The following SYT2 variants were observed in gnomAD, a reference collection of about 807,000 sequenced individuals.
SYT2 encodes the protein synaptotagmin-2.
A neutral mutation model predicts 39.9 loss-of-function variants in SYT2; 15 were observed. The ratio of observed to expected loss-of-function variants is 0.38; its 90% confidence interval spans 0.25 to 0.58. The LOEUF is 0.58. SYT2 is among the 20% of genes least tolerant of loss of function. SYT2 has a pLI of 0.70. For missense variants in SYT2, 389 were observed against 530.3 expected, an observed-to-expected ratio of 0.73 and a Z score of 2.62; for synonymous variants, 181 against 204.5, an observed-to-expected ratio of 0.89 and a Z score of 0.98.
chr1:202,606,720 A>G (rs1296439112), intron 1 of SYT2, among the ~76,000 whole-genome samples: 1 of 152,134 alleles, frequency 6.6e-6, no homozygotes, highest in Non-Finnish European at 1.5e-5. Context: ...TTCCCGCATC[A>G]AAGATGTGAT....
rs75027356 is a variant in SYT2, at chr1:202,669,118, C to G, written c.-18+41140G>C. ...ATCAGTGAGGCTAAGCAACTACTAA[C>G]ACAAAGTGAGATACTGTGAGTCACA... On this transcript the variant is annotated intron_variant, in intron 1 of 8. Transcript: ENST00000367268. Among the ~76,000 whole-genome samples, 195 of 152,354 alleles carry G rather than the reference C, an allele frequency of 1.3e-3. 2 individuals carry two copies. In the East Asian group the frequency reaches 0.028, roughly 22 times the overall value.
intron 6 of SYT2, 95 bp from the exon 7 acceptor site, chr1:202,600,569 ATGTG>A: frequency 2.8e-6 from 3 of 1,089,388 alleles, no homozygotes; most frequent in Non-Finnish European, 4.2e-6. Context: ...CAAGGCAGTG[ATGTG>A]TCCCTGCCTC....
intron 1 of SYT2, among the ~76,000 whole-genome samples, chr1:202,638,254 C>T (rs747145258): frequency 1.3e-5 from 2 of 152,196 alleles, no homozygotes; most frequent in Non-Finnish European, 2.9e-5. Flanking sequence ...TCCTCCCCCC[C>T]AGCCCCTCCC....
rs561330262 is a variant in SYT2 at position 202,686,632 on chromosome 1, C to T, written c.-18+23626G>A. On this transcript the variant is annotated intron_variant, in intron 1 of 8. Coordinates refer to ENST00000367268, the MANE Select transcript of SYT2 (RefSeq NM_177402.5). Reference sequence around the variant, plus strand: ...GTCATCCTGAAACCCATTCCCTGCACCTCTAGGCCTGGACAGACAACAGCT... The same window carrying T: ...GTCATCCTGAAACCCATTCCCTGCATCTCTAGGCCTGGACAGACAACAGCT... Among the ~76,000 whole-genome samples, 25 of 152,268 alleles carry T rather than the reference C, an allele frequency of 1.6e-4. No individual in the cohort carries two copies. The South Asian group carries it at 2.9e-3, about 18-fold the overall frequency.
At chr1:202,646,089 A>C (rs893186926) in intron 1 of SYT2, among the ~76,000 whole-genome samples, 1 of 152,190 alleles carries the variant, frequency 6.6e-6, no homozygotes, top group Non-Finnish European at 1.5e-5. Context: ...GTGAGTCTAC[A>C]TGGGCTGGGT....
chr1:202,629,962 TAAG>T (rs1038432810), intron 1 of SYT2, among the ~76,000 whole-genome samples: 68 of 144,368 alleles, frequency 4.7e-4, no homozygotes, highest in Non-Finnish European at 9.0e-4. Context: ...AGTGTGGGCA[TAAG>T]AAGAAATCCA....
chr1:202,636,919 G>T (rs1182510954), intron 1 of SYT2, among the ~76,000 whole-genome samples: 1 of 152,194 alleles, frequency 6.6e-6, no homozygotes, highest in East Asian at 1.9e-4. Flanking sequence ...GGAGGAGCTG[G>T]CATTTGAATA....
intron 1 of SYT2, among the ~76,000 whole-genome samples, chr1:202,622,148 C>G (rs937023323): frequency 6.6e-6 from 1 of 152,212 alleles, no homozygotes; most frequent in African/African-American, 2.4e-5. Flanking sequence ...GGTTAACCAG[C>G]AAGACACCTG....
intron 1 of SYT2, among the ~76,000 whole-genome samples, chr1:202,678,772 A>G (rs1653449331): frequency 6.6e-6 from 1 of 152,126 alleles, no homozygotes; most frequent in South Asian, 2.1e-4. Context: ...TCAAGTTTGT[A>G]CCATTTATAA....
intron 1 of SYT2, among the ~76,000 whole-genome samples, chr1:202,637,055 C>G (rs182126718): frequency 7.2e-5 from 11 of 152,214 alleles, no homozygotes; most frequent in African/African-American, 2.2e-4. Flanking sequence ...CATGGTGGTT[C>G]ACGCCTGTAA....
intron 1 of SYT2, among the ~76,000 whole-genome samples, chr1:202,693,093 G>A (rs929842140): frequency 3.3e-5 from 5 of 152,062 alleles, no homozygotes; most frequent in Non-Finnish European, 5.9e-5. Context: ...TCCATCACCC[G>A]AGCACTCAGC....
At chr1:202,642,383 T>TTTCCAGATGAAGATACTGAGGC (rs1691940524) in intron 1 of SYT2, among the ~76,000 whole-genome samples, 1 of 151,394 alleles carries the variant, frequency 6.6e-6, no homozygotes. Flanking sequence ...TCGTCCCCAT[T>TTTCCAGATGAAGATACTGAGGC]CCTGTCTTGG....
intron 1 of SYT2, among the ~76,000 whole-genome samples, chr1:202,690,566 T>G (rs1423076432): frequency 2.6e-5 from 4 of 152,102 alleles, no homozygotes; most frequent in African/African-American, 2.4e-5. Context: ...AATCTAACAG[T>G]TTAATGGTCC....
intron 1 of SYT2, among the ~76,000 whole-genome samples, chr1:202,668,687 C>T (rs4113203): frequency 0.55 from 83,741 of 152,056 alleles, 24,809 homozygotes; most frequent in East Asian, 0.79. Flanking sequence ...CATTACTCTG[C>T]CCATTTTCCA....
chr1:202,699,069 ATGCAG>A (rs1654048449), intron 1 of SYT2, among the ~76,000 whole-genome samples: 1 of 141,792 alleles, frequency 7.1e-6, no homozygotes. Flanking sequence ...CCAGGCTGGA[ATGCAG>A]TGCAGTGGTA....
At chr1:202,626,015 C>A (rs1303663093) in intron 1 of SYT2, among the ~76,000 whole-genome samples, 1 of 152,204 alleles carries the variant, frequency 6.6e-6, no homozygotes, top group Non-Finnish European at 1.5e-5. Flanking sequence ...TGAACCAGCA[C>A]TGTGAACACA....
intron 1 of SYT2, among the ~76,000 whole-genome samples, chr1:202,661,746 C>T (rs895134774): frequency 1.3e-5 from 2 of 152,326 alleles, no homozygotes; most frequent in African/African-American, 2.4e-5. Flanking sequence ...GTTTCTAAAG[C>T]GCAAAGGGCT....
intron 1 of SYT2, among the ~76,000 whole-genome samples, chr1:202,679,888 G>T (rs1653482082): frequency 6.6e-6 from 1 of 152,098 alleles, no homozygotes; most frequent in Non-Finnish European, 1.5e-5. Context: ...TCAATGCTGT[G>T]CCACACTTTT....
intron 1 of SYT2, chr1:202,639,993 A>AT (rs1691853503): frequency 3.9e-6 from 1 of 258,114 alleles, no homozygotes; most frequent in Admixed American, 6.5e-5. Flanking sequence ...CAGGTTGGTA[A>AT]TATTCCCTTT....
Sources: allele counts gnomAD v4.1 joint callset (sites outside exome capture counted in the v4.1 genomes callset), GRCh38; gene constraint gnomAD v4.1.1; transcripts MANE v1.5; gene names NCBI Gene and HGNC (gene_info 2026-07-23, HGNC 2026-07-21).